PPP4R2: variants seen among roughly 807,000 people sequenced by gnomAD.
PPP4R2 encodes the protein serine/threonine-protein phosphatase 4 regulatory subunit 2.
A neutral mutation model predicts 47.2 loss-of-function variants in PPP4R2; 13 were observed. The ratio of observed to expected loss-of-function variants is 0.28; its 90% CI spans 0.18 to 0.44. The LOEUF (loss-of-function observed/expected upper bound fraction) is 0.44, where lower values mean the gene tolerates loss of function less well. PPP4R2 is among the 20% of genes least tolerant of loss of function. PPP4R2 has a pLI of 1.00. For missense variants in PPP4R2, 421 were observed against 491.2 expected (o/e 0.86, Z 1.35); for synonymous variants, 151 against 163.3 (o/e 0.92, Z 0.57).
intron 5 of PPP4R2, 37 bp from the exon 6 acceptor site, chr3:73,063,636 A>T: frequency 7.7e-7 from 1 of 1,305,302 alleles, no homozygotes; most frequent in Non-Finnish European, 1.1e-6. Flanking sequence ...CTAAAAAAAA[A>T]TTAAGTCATC....
chr3:73,003,766 T>A (rs1010501520), intron 2 of PPP4R2, among the ~76,000 whole-genome samples: 3 of 152,024 alleles, frequency 2.0e-5, no homozygotes, highest in Non-Finnish European at 4.4e-5. Context: ...TGGTGCGATC[T>A]TGACTCACTA....
intron 3 of PPP4R2, among the ~76,000 whole-genome samples, chr3:73,055,139 A>G (rs998819582): frequency 2.0e-5 from 3 of 152,284 alleles, no homozygotes; most frequent in East Asian, 1.9e-4. Flanking sequence ...ACAGACCTAT[A>G]CTTTTGGTTT....
At chr3:73,026,722 A>G (rs2107265803) in intron 2 of PPP4R2, among the ~76,000 whole-genome samples, 1 of 152,244 alleles carries the variant, frequency 6.6e-6, no homozygotes, top group Non-Finnish European at 1.5e-5. Flanking sequence ...AAAAAAGCAC[A>G]TCAGCTATCA....
chr3:72,998,260 C>T (rs1015282446), intron 2 of PPP4R2, 102 bp downstream of exon 2: 3 of 726,272 alleles, frequency 4.1e-6, no homozygotes, highest in Non-Finnish European at 6.8e-6. Flanking sequence ...ATAATTCATT[C>T]TAAATTGTAG....
At chr3:73,052,443 T>C (rs1377491883) in intron 3 of PPP4R2, among the ~76,000 whole-genome samples, 2 of 152,076 alleles carry the variant, frequency 1.3e-5, no homozygotes, top group African/African-American at 4.8e-5. Flanking sequence ...TCTGGAATTA[T>C]AATAAAAAAG....
chr3:73,032,307 C>T (rs569768481), intron 2 of PPP4R2, among the ~76,000 whole-genome samples: 12 of 146,784 alleles, frequency 8.2e-5, no homozygotes, highest in South Asian at 6.6e-4. Flanking sequence ...TTTTTTGAGA[C>T]GGAGTCTCGC....
At chr3:73,031,525 G>T (rs1335579287) in intron 2 of PPP4R2, among the ~76,000 whole-genome samples, 1 of 151,538 alleles carries the variant, frequency 6.6e-6, no homozygotes, top group African/African-American at 2.4e-5. Flanking sequence ...CTGGGCAACA[G>T]AGTGAAACTG....
chr3:73,052,472 A>G (rs771462536), intron 3 of PPP4R2, among the ~76,000 whole-genome samples: 9 of 152,150 alleles, frequency 5.9e-5, no homozygotes, highest in Admixed American at 1.3e-4. Flanking sequence ...GGTTTACTCA[A>G]ACCAGGGCCA....
chr3:73,002,441 A>G lies in PPP4R2; in HGVS notation c.116+4283A>G, dbSNP rs555810732. Among the ~76,000 whole-genome samples the G allele has an allele frequency of 1.5e-4, 23 of 151,766 alleles. 1 individual carries two copies. In the South Asian group the frequency reaches 4.6e-3, roughly 30 times the overall value. ...CTGGCTAATTTATAATTTTTTTTGT[A>G]GAGACAAAGTCTTGCTATGTTGCCT... On this transcript the variant is annotated intron_variant, in intron 2 of 8. Transcript: ENST00000356692.
chr3:72,997,388 T>C (rs1184679573), intron 1 of PPP4R2: 4 of 252,036 alleles, frequency 1.6e-5, no homozygotes, highest in East Asian at 1.4e-4. Flanking sequence ...CTCCCAGATA[T>C]CCTCTTTTCT....
At position 72,997,968 on chromosome 3, in the gene PPP4R2, T is replaced by A. The variant is rs549139080; in HGVS notation, c.35-109T>A. On this transcript the variant is annotated intron_variant, in intron 1 of 8. Transcript: ENST00000356692. ...ATTTGGTTGAGAGGCCTTATTTTTT[T>A]AATTTTGTATTTAATTGATTTTTAA... The A allele has an allele frequency of 2.9e-5, 23 of 784,124 alleles. No homozygotes were observed. In the East Asian group the frequency reaches 3.9e-4, roughly 13 times the overall value. The allele number at this position is 784,124 out of a possible 1,614,324, so 48.6% of individuals were successfully genotyped here. A position where few individuals can be genotyped will look rare whatever the true frequency, so the allele number is the denominator to read the frequency against.
intron 2 of PPP4R2, among the ~76,000 whole-genome samples, chr3:73,007,759 G>A (rs1237645990): frequency 2.0e-5 from 3 of 152,194 alleles, no homozygotes; most frequent in South Asian, 2.1e-4. Flanking sequence ...GAAGTGCTGG[G>A]ATAACAGGTG....
chr3:73,024,646 C>A (rs12629201), intron 2 of PPP4R2, among the ~76,000 whole-genome samples: 19,700 of 152,086 alleles, frequency 0.13, 1,564 homozygotes, highest in East Asian at 0.36. Context: ...CTCCTTCCTT[C>A]CTGCCTCCCT....
At chr3:73,014,049 G>A (rs1261663761) in intron 2 of PPP4R2, among the ~76,000 whole-genome samples, 1 of 129,872 alleles carries the variant, frequency 7.7e-6, no homozygotes, top group East Asian at 2.0e-4. Flanking sequence ...CTTCTTTGAT[G>A]GTTTTTTGGG....
At chr3:72,999,986 C>T (rs2107193586) in intron 2 of PPP4R2, among the ~76,000 whole-genome samples, 1 of 152,252 alleles carries the variant, frequency 6.6e-6, no homozygotes, top group South Asian at 2.1e-4. Context: ...TATGGCTAAA[C>T]TAAGCTTTGT....
At chr3:73,002,050 C>A (rs74598877) in intron 2 of PPP4R2, among the ~76,000 whole-genome samples, 1 of 152,086 alleles carries the variant, frequency 6.6e-6, no homozygotes, top group African/African-American at 2.4e-5. Flanking sequence ...TAGACTCTTA[C>A]CTTTGTGAGA....
chr3:73,016,990 C>A (rs986916333), intron 2 of PPP4R2, among the ~76,000 whole-genome samples: 2 of 151,762 alleles, frequency 1.3e-5, no homozygotes, highest in Admixed American at 1.3e-4. Flanking sequence ...CCACATCTAG[C>A]TAATTTTTGT....
At chr3:73,064,681 A>G (rs1413010715) in intron 7 of PPP4R2, among the ~76,000 whole-genome samples, 171 bp from the exon 8 acceptor site, 1 of 152,224 alleles carries the variant, frequency 6.6e-6, no homozygotes, top group Non-Finnish European at 1.5e-5. Flanking sequence ...ATTATTCATC[A>G]AACAGTTTAG....
chr3:73,045,848 C>G (rs182509440), intron 2 of PPP4R2, among the ~76,000 whole-genome samples: 1 of 152,106 alleles, frequency 6.6e-6, no homozygotes, highest in Admixed American at 6.5e-5. Flanking sequence ...GCAGTCCTTT[C>G]AGGTTAAAAT....
Sources: gnomAD v4.1 joint callset for allele counts (sites outside exome capture counted in the v4.1 genomes callset) on GRCh38, gnomAD v4.1.1 for gene constraint, MANE v1.5 for transcripts, NCBI Gene and HGNC (gene_info 2026-07-23, HGNC 2026-07-21) for gene names.